Variants in RNF150 observed in about 807,000 individuals in gnomAD.
RNF150 encodes ring finger protein 150.
Under a neutral mutation model 39.3 loss-of-function variants are expected in RNF150, and 24 were observed. The observed-to-expected ratio is 0.61, with a 90% CI of 0.44 to 0.86. The LOEUF is 0.86. Among genes scored for constraint, RNF150 ranks in the 40% least tolerant of loss-of-function variants. The pLI, the probability that RNF150 is intolerant of heterozygous loss-of-function variation, is 0.00. For missense variants in RNF150, 502 were observed against 587.8 expected, an observed-to-expected ratio of 0.85 and a Z score of 1.51; for synonymous variants, 255 against 227.3, an observed-to-expected ratio of 1.12 and a Z score of -1.10.
At chr4:141,113,638 G>C (rs1209247381) in intron 1 of RNF150, among the ~76,000 whole-genome samples, 2 of 152,102 alleles carry the variant, frequency 1.3e-5, no homozygotes, top group Non-Finnish European at 2.9e-5. Context: ...AGAATATTCA[G>C]AACTTGAACT....
At chr4:141,197,993 T>G (rs754381081) in intron 1 of RNF150, among the ~76,000 whole-genome samples, 11 of 152,142 alleles carry the variant, frequency 7.2e-5, no homozygotes, top group Non-Finnish European at 1.2e-4. Context: ...TTGATTGCTT[T>G]TATTCACTAC....
intron 2 of RNF150, among the ~76,000 whole-genome samples, chr4:140,966,724 T>C (rs1055745411): frequency 2.0e-5 from 3 of 152,160 alleles, no homozygotes; most frequent in Non-Finnish European, 4.4e-5. Flanking sequence ...TTTTCATATA[T>C]AGTTTGTTAA....
At chr4:141,095,389 C>T (rs564420743) in intron 1 of RNF150, among the ~76,000 whole-genome samples, 3 of 152,230 alleles carry the variant, frequency 2.0e-5, no homozygotes, top group South Asian at 4.1e-4. Flanking sequence ...CACCCAGGTG[C>T]TTCTCTCATA....
At chr4:140,919,692 A>C (rs1329000024) in intron 5 of RNF150, among the ~76,000 whole-genome samples, 1 of 151,506 alleles carries the variant, frequency 6.6e-6, no homozygotes, top group African/African-American at 2.4e-5. Context: ...ACTACCTTAA[A>C]GTTCATATGG....
intron 1 of RNF150, among the ~76,000 whole-genome samples, chr4:141,057,891 T>A (rs1737048138): frequency 6.6e-6 from 1 of 152,006 alleles, no homozygotes; most frequent in South Asian, 2.1e-4. Flanking sequence ...CTTCACTATG[T>A]TGGACATAAT....
At position 140,867,785 on chromosome 4, in the gene RNF150, G is replaced by A. The variant is rs1728769921; in HGVS notation, c.*476C>T. The A allele has an allele frequency of 1.3e-5, 2 of 153,982 alleles. No homozygotes were observed. The highest frequency in any genetic ancestry group is 4.8e-5 in the African/African-American group (2 of 41,418). The allele number at this position is 153,982 out of a possible 1,614,324, so 9.5% of individuals were successfully genotyped here. A position where few individuals can be genotyped will look rare whatever the true frequency, so the allele number is the denominator to read the frequency against. On this transcript the variant is annotated 3_prime_UTR_variant, in exon 7 of 7. Coordinates refer to ENST00000515673, the MANE Select transcript of RNF150 (RefSeq NM_020724.2). ...ATACAAACTGATCATAGCAGGAACT[G>A]GTGCTTCTAAACAGAAACCTATACA...
At chr4:141,126,457 T>C (rs1374492277) in intron 1 of RNF150, among the ~76,000 whole-genome samples, 1 of 152,224 alleles carries the variant, frequency 6.6e-6, no homozygotes, top group Non-Finnish European at 1.5e-5. Flanking sequence ...GTTTTTCCTG[T>C]GCTGAACCAA....
intron 1 of RNF150, among the ~76,000 whole-genome samples, chr4:141,085,919 C>A (rs1477140422): frequency 6.6e-6 from 1 of 151,948 alleles, no homozygotes; most frequent in Non-Finnish European, 1.5e-5. Context: ...AATGCCATTT[C>A]AGTGGGAGGA....
chr4:141,121,938 C>T (rs999657967), intron 1 of RNF150, among the ~76,000 whole-genome samples: 3 of 152,050 alleles, frequency 2.0e-5, no homozygotes, highest in Non-Finnish European at 4.4e-5. Flanking sequence ...TGGGGAGTCC[C>T]CTCCCTGCAA....
At chr4:141,042,720 T>C (rs192123414) in intron 1 of RNF150, among the ~76,000 whole-genome samples, 12 of 152,254 alleles carry the variant, frequency 7.9e-5, no homozygotes, top group Admixed American at 4.6e-4. Flanking sequence ...ATTTCCTGGA[T>C]AGATATTCTA....
chr4:141,044,399 T>C (rs898858470), intron 1 of RNF150, among the ~76,000 whole-genome samples: 2 of 152,162 alleles, frequency 1.3e-5, no homozygotes, highest in African/African-American at 4.8e-5. Flanking sequence ...TCTTTATAAA[T>C]GAACTCTGGG....
At chr4:141,031,399 C>G (rs1478321392) in intron 1 of RNF150, among the ~76,000 whole-genome samples, 2 of 151,752 alleles carry the variant, frequency 1.3e-5, no homozygotes, top group Non-Finnish European at 2.9e-5. Flanking sequence ...CAAAAATAGA[C>G]AAATGGAATT....
chr4:140,957,352 T>C (rs578035364), intron 2 of RNF150, among the ~76,000 whole-genome samples: 3,908 of 151,896 alleles, frequency 0.026, 79 homozygotes, highest in African/African-American at 0.063. Context: ...CACAATGAGA[T>C]ACCATCTCAC....
At chr4:141,156,904 C>A (rs1219947513) in intron 1 of RNF150, among the ~76,000 whole-genome samples, 4 of 150,962 alleles carry the variant, frequency 2.6e-5, no homozygotes, top group South Asian at 2.1e-4. Context: ...GAGATTATCT[C>A]AAAAAAAAAT....
At chr4:141,023,489 A>G (rs1339498742) in intron 1 of RNF150, among the ~76,000 whole-genome samples, 2 of 151,990 alleles carry the variant, frequency 1.3e-5, no homozygotes, top group Non-Finnish European at 2.9e-5. Flanking sequence ...CCTGACTTCA[A>G]GTGATCCATC....
intron 1 of RNF150, among the ~76,000 whole-genome samples, chr4:141,208,904 C>A (rs1578797990): frequency 6.6e-6 from 1 of 152,116 alleles, no homozygotes; most frequent in Admixed American, 6.5e-5. Flanking sequence ...GGGTCAGAGA[C>A]AAAGGATTTC....
Position 140,926,135 on chromosome 4 carries a change from G to C in RNF150, c.891-62C>G, listed in dbSNP as rs1578974235. On this transcript the variant is annotated intron_variant, in intron 4 of 6. Coordinates refer to ENST00000515673, the MANE Select transcript of RNF150 (RefSeq NM_020724.2). ...CTGCAGAGAATACCTGGTCCACCAT[G>C]GCCCAGGGACTCGTCCAAGGTCACA... 8 of 1,186,712 alleles carry C rather than the reference G, an allele frequency of 6.7e-6. No homozygotes were observed. The East Asian group carries it at 1.6e-4, about 24-fold the overall frequency. The allele number at this position is 1,186,712 out of a possible 1,614,324, so 73.5% of individuals were successfully genotyped here.
At chr4:141,033,127 T>C (rs549188772) in intron 1 of RNF150, among the ~76,000 whole-genome samples, 3 of 152,216 alleles carry the variant, frequency 2.0e-5, no homozygotes, top group East Asian at 1.9e-4. Flanking sequence ...ATTTTCTCCA[T>C]AGCAGAACTT....
intron 1 of RNF150, among the ~76,000 whole-genome samples, chr4:141,065,444 G>T (rs886714555): frequency 2.0e-5 from 3 of 151,936 alleles, no homozygotes; most frequent in African/African-American, 7.3e-5. Context: ...CAAAATATAG[G>T]GAAAAAAATC....
Sources: allele counts gnomAD v4.1 joint callset (sites outside exome capture counted in the v4.1 genomes callset), GRCh38; gene constraint gnomAD v4.1.1; transcripts MANE v1.5; gene names NCBI Gene and HGNC (gene_info 2026-07-23, HGNC 2026-07-21).